SRGAP3: variants seen among roughly 807,000 people sequenced by gnomAD.
SRGAP3 encodes the protein SLIT-ROBO Rho GTPase-activating protein 3.
In SRGAP3, 39 loss-of-function variants were observed where a neutral mutation model predicts 121.1. The ratio of observed to expected loss-of-function variants is 0.32; its 90% CI spans 0.25 to 0.42. The LOEUF (loss-of-function observed/expected upper bound fraction) is 0.42. Among genes scored for constraint, SRGAP3 ranks in the 10% least tolerant of loss-of-function variants. SRGAP3 has a pLI of 1.00. For missense variants in SRGAP3, 1,213 were observed against 1,470.6 expected (o/e 0.82, Z 2.86); for synonymous variants, 601 against 570.0 (o/e 1.05, Z -0.77).
intron 1 of SRGAP3, among the ~76,000 whole-genome samples, chr3:9,156,705 T>C (rs1331583963): frequency 1.3e-5 from 2 of 152,184 alleles, no homozygotes; most frequent in Non-Finnish European, 2.9e-5. Flanking sequence ...TTTGGTCTTG[T>C]CACTAAAGCA....
chr3:9,229,245 G>A (rs997916246), intron 1 of SRGAP3, among the ~76,000 whole-genome samples: 2 of 152,264 alleles, frequency 1.3e-5, no homozygotes, highest in Middle Eastern at 3.4e-3. Flanking sequence ...AAGCTCAAAG[G>A]TTCAGTCTGG....
intron 1 of SRGAP3, among the ~76,000 whole-genome samples, chr3:9,183,854 G>A (rs576530798): frequency 5.3e-4 from 71 of 133,946 alleles, no homozygotes; most frequent in Admixed American, 1.6e-3. Context: ...CCCCAGCCCC[G>A]GCCCCTCAGC....
chr3:9,058,571 C>T lies in SRGAP3; in HGVS notation c.802-99G>A, dbSNP rs1183368195. On this transcript the variant is annotated intron_variant, in intron 6 of 21. Coordinates refer to ENST00000383836, the MANE Select transcript of SRGAP3 (RefSeq NM_014850.4). ...TGACTTACAATTACCTCCCTTTCCACAGCCGAATCTTCCATCCCGGAGGCC... is the reference window on the plus strand; with the variant it reads ...TGACTTACAATTACCTCCCTTTCCATAGCCGAATCTTCCATCCCGGAGGCC... 14 of 1,267,634 alleles carry T rather than the reference C, an allele frequency of 1.1e-5. No individual in the cohort carries two copies. The African/African-American group carries it at 1.2e-4, about 11-fold the overall frequency. The allele number at this position is 1,267,634 out of a possible 1,614,324, so 78.5% of individuals were successfully genotyped here.
intron 1 of SRGAP3, among the ~76,000 whole-genome samples, chr3:9,137,200 C>T (rs533491477): frequency 3.3e-5 from 5 of 152,240 alleles, no homozygotes; most frequent in Non-Finnish European, 5.9e-5. Flanking sequence ...GAGATGAGTG[C>T]CTGCCATATG....
chr3:9,191,083 A>C (rs1393424981), intron 1 of SRGAP3, among the ~76,000 whole-genome samples: 2 of 151,592 alleles, frequency 1.3e-5, no homozygotes, highest in Non-Finnish European at 2.9e-5. Context: ...CCTCCTCCAC[A>C]CTCTGTCCTC....
Position 9,015,624 on chromosome 3 carries a change from T to C in SRGAP3, c.1786A>G (p.Arg596Gly). ...ATAGTAGATATCAAATCTTGAAACC[T>C]TTCCTTAGGAAAGAGTGGGTTTTCC... ...GLENPLFPKE[R>G]FQDLISTIKL... The change falls in exon 15 of 22, where the codon AGG becomes GGG. Residue 596 changes from arginine to glycine, a missense_variant. By Grantham distance (125) the Arg-to-Gly change is moderately radical (BLOSUM62 -2). Coordinates refer to ENST00000383836, the MANE Select transcript of SRGAP3 (RefSeq NM_014850.4). The C allele has an allele frequency of 6.2e-7, 1 of 1,614,160 alleles. No homozygotes were observed. Among genetic ancestry groups the C allele is most frequent in the Non-Finnish European group, 8.5e-7 (1 of 1,180,006 alleles).
intron 3 of SRGAP3, among the ~76,000 whole-genome samples, chr3:9,262,450 A>G (rs1204751597): frequency 6.7e-6 from 1 of 148,688 alleles, no homozygotes; most frequent in Non-Finnish European, 1.5e-5. Flanking sequence ...GGTGTGCTGT[A>G]TTCAGGAGAC....
At chr3:9,243,677 G>A (rs2125240704) in intron 1 of SRGAP3, among the ~76,000 whole-genome samples, 1 of 151,336 alleles carries the variant, frequency 6.6e-6, no homozygotes, top group Admixed American at 6.6e-5. Context: ...AAAAGGGACT[G>A]GTTTTTTGCG....
intron 18 of SRGAP3, among the ~76,000 whole-genome samples, chr3:9,003,741 G>A (rs1262498697): frequency 6.6e-6 from 1 of 151,906 alleles, no homozygotes; most frequent in African/African-American, 2.4e-5. Context: ...GGAATAGAAG[G>A]GAACTTCCTC....
chr3:9,047,900 C>T (rs951175292), intron 9 of SRGAP3, among the ~76,000 whole-genome samples: 5 of 152,246 alleles, frequency 3.3e-5, no homozygotes, highest in South Asian at 4.1e-4. Flanking sequence ...GGAGCTTTAT[C>T]GGATCTGTCA....
At chr3:9,069,474 A>G (rs1055020246) in intron 4 of SRGAP3, among the ~76,000 whole-genome samples, 3 of 152,166 alleles carry the variant, frequency 2.0e-5, no homozygotes, top group African/African-American at 7.2e-5. Flanking sequence ...ATGCCAGGGA[A>G]GGGATTCACT....
intron 3 of SRGAP3, among the ~76,000 whole-genome samples, chr3:9,093,483 A>C (rs1458844164): frequency 6.6e-6 from 1 of 151,828 alleles, no homozygotes; most frequent in Non-Finnish European, 1.5e-5. Context: ...CCATCTACCC[A>C]TCAACCCACT....
intron 4 of SRGAP3, among the ~76,000 whole-genome samples, chr3:9,075,452 A>G (rs1946930874): frequency 6.6e-6 from 1 of 152,172 alleles, no homozygotes; most frequent in African/African-American, 2.4e-5. Flanking sequence ...GGGTGCCTCA[A>G]GGTGCTAAGG....
chr3:9,085,893 G>A (rs895413689), intron 3 of SRGAP3, among the ~76,000 whole-genome samples: 1 of 152,098 alleles, frequency 6.6e-6, no homozygotes, highest in African/African-American at 2.4e-5. Context: ...AAAATAATTG[G>A]TATAACAAAC....
At chr3:9,155,354 G>C (rs1379027553) in intron 1 of SRGAP3, among the ~76,000 whole-genome samples, 1 of 152,142 alleles carries the variant, frequency 6.6e-6, no homozygotes, top group Non-Finnish European at 1.5e-5. Context: ...GCATTTTGAA[G>C]TTGCACTACA....
rs1176999349 is a variant in SRGAP3 at position 9,273,770 on chromosome 3, T to C, written n.442+52240A>G. On this transcript the variant is annotated intron_variant and non_coding_transcript_variant, in intron 3 of 3. Transcript: ENST00000490889. ...TTGGAGTTAATTTTTGTATATAGTG[T>C]AAGGTAAGGGTTCAACTTCATTTTT... is the stretch of plus-strand genomic sequence containing the variant. Among the ~76,000 whole-genome samples, 3 of 151,124 alleles carry C rather than the reference T, an allele frequency of 2.0e-5. No individual in the cohort carries two copies. In the East Asian group the frequency reaches 5.8e-4, roughly 29 times the overall value.
chr3:9,299,742 T>A (rs1257458450), intron 3 of SRGAP3, among the ~76,000 whole-genome samples: 3 of 151,990 alleles, frequency 2.0e-5, no homozygotes, highest in Admixed American at 2.0e-4. Context: ...AAACCCCATC[T>A]CCACTAAAAA....
intron 1 of SRGAP3, among the ~76,000 whole-genome samples, chr3:9,215,473 T>C (rs1204602091): frequency 6.6e-6 from 1 of 152,204 alleles, no homozygotes; most frequent in Admixed American, 6.5e-5. Context: ...CCCAAGCTCC[T>C]CTCTGCTCAA....
intron 3 of SRGAP3, among the ~76,000 whole-genome samples, chr3:9,286,148 ACACACACACACAC>A (rs1368539074): frequency 6.6e-4 from 100 of 151,296 alleles, no homozygotes; most frequent in African/African-American, 2.3e-3. Flanking sequence ...ACACACACAC[ACACACACACACAC>A]ATTTATCTGT....
Sources: allele counts gnomAD v4.1 joint callset (sites outside exome capture counted in the v4.1 genomes callset), GRCh38; gene constraint gnomAD v4.1.1; transcripts MANE v1.5; gene names NCBI Gene and HGNC (gene_info 2026-07-23, HGNC 2026-07-21).